SEMA3A: variants seen among roughly 807,000 people sequenced by gnomAD.
SEMA3A encodes semaphorin 3A, also known as semaphorin-3A.
SEMA3A carries 29 observed loss-of-function variants against 97.9 expected under a neutral mutation model. The observed-to-expected ratio is 0.30, with a 90% confidence interval of 0.22 to 0.40. SEMA3A has a LOEUF of 0.40. Ranked by LOEUF, SEMA3A falls within the 10% of genes least tolerant of loss-of-function variation. The pLI is 1.00. For synonymous variants in SEMA3A, 321 were observed against 323.7 expected (o/e 0.99, Z 0.09); for missense variants, 763 against 951.3 (o/e 0.80, Z 2.60).
chr7:84,046,222 C>T (rs1792342398), intron 6 of SEMA3A, 102 bp downstream of exon 6: 4 of 1,363,504 alleles, frequency 2.9e-6, no homozygotes, highest in Admixed American at 2.2e-5. Context: ...CTTAACTGCA[C>T]AATAAATTTC....
At chr7:84,340,782 G>GGA (rs373732711) in intron 2 of SEMA3A, among the ~76,000 whole-genome samples, 6 of 86,268 alleles carry the variant, frequency 7.0e-5, no homozygotes, top group South Asian at 4.1e-4. Context: ...CTCCATCTCG[G>GGA]AAAAAAAAAA....
At chr7:84,149,621 T>C (rs1412380277) in intron 1 of SEMA3A, among the ~76,000 whole-genome samples, 2 of 152,178 alleles carry the variant, frequency 1.3e-5, no homozygotes, top group African/African-American at 2.4e-5. Context: ...TGGGCAAAAA[T>C]ATAGCATAAG....
At chr7:84,161,181 C>T (rs576970705) in intron 1 of SEMA3A, among the ~76,000 whole-genome samples, 30 of 151,926 alleles carry the variant, frequency 2.0e-4, no homozygotes, top group African/African-American at 7.0e-4. Flanking sequence ...CTGGCTAACA[C>T]GGTGAAACCC....
intron 3 of SEMA3A, among the ~76,000 whole-genome samples, chr7:84,121,470 T>C (rs1795613765): frequency 6.6e-6 from 1 of 151,586 alleles, no homozygotes; most frequent in South Asian, 2.1e-4. Flanking sequence ...TGTTTGGTTT[T>C]CTGTCCTTGC....
At chr7:83,993,245 C>T (rs1344859434) in intron 12 of SEMA3A, among the ~76,000 whole-genome samples, 4 of 50,672 alleles carry the variant, frequency 7.9e-5, no homozygotes, top group Admixed American at 1.8e-4. Flanking sequence ...GAATACAGCA[C>T]ACTGATGGCT....
intron 5 of SEMA3A, among the ~76,000 whole-genome samples, chr7:84,057,902 T>G (rs1465705317): frequency 6.6e-6 from 1 of 152,182 alleles, no homozygotes; most frequent in Non-Finnish European, 1.5e-5. Context: ...ATTTGGGGAC[T>G]TCATTCAGTA....
intron 2 of SEMA3A, among the ~76,000 whole-genome samples, chr7:84,345,920 C>T (rs2116004701): frequency 6.6e-6 from 1 of 152,292 alleles, no homozygotes; most frequent in East Asian, 1.9e-4. Flanking sequence ...CAGGCATCGA[C>T]ATTTCTCCAG....
chr7:84,062,785 G>T (rs565221775), intron 4 of SEMA3A, among the ~76,000 whole-genome samples: 2 of 152,240 alleles, frequency 1.3e-5, no homozygotes, highest in South Asian at 2.1e-4. Context: ...ACGGAGTCTC[G>T]CTGATTGCTA....
chr7:84,266,587 A>G (rs1562878675), intron 3 of SEMA3A, among the ~76,000 whole-genome samples: 1 of 152,124 alleles, frequency 6.6e-6, no homozygotes, highest in South Asian at 2.1e-4. Flanking sequence ...TAAAACTGCA[A>G]TGAAATGGAA....
chr7:84,406,985 T>C (rs1288311391), intron 1 of SEMA3A, among the ~76,000 whole-genome samples: 1 of 152,162 alleles, frequency 6.6e-6, no homozygotes, highest in Non-Finnish European at 1.5e-5. Context: ...CTTGGAAAAC[T>C]GGCACAAGAC....
In SEMA3A at chr7:84,215,246, C is replaced by T. The variant is rs796194522; in HGVS notation, c.-82-20578G>A. ...TGTTGCCCAGGCTGGAGTGCAATGGCGTGATCTTAGCTCACTGCAACCTCC... is the reference window on the plus strand; with the variant it reads ...TGTTGCCCAGGCTGGAGTGCAATGGTGTGATCTTAGCTCACTGCAACCTCC... On this transcript the variant is annotated intron_variant, in intron 3 of 3. Coordinates refer to the SEMA3A transcript ENST00000424555. 2.0e-5 allele frequency among the ~76,000 whole-genome samples: 3 copies of T among 151,836 alleles called. No individual in the cohort carries two copies. In the South Asian group the frequency reaches 6.3e-4, roughly 32 times the overall value.
intron 1 of SEMA3A, among the ~76,000 whole-genome samples, chr7:84,448,203 GC>G (rs1442193890): frequency 5.3e-5 from 8 of 152,196 alleles, no homozygotes; most frequent in African/African-American, 1.9e-4. Context: ...CAAAACTCAG[GC>G]AAAGACGCCA....
intron 2 of SEMA3A, among the ~76,000 whole-genome samples, chr7:84,360,962 A>AGG (rs1802703880): frequency 6.6e-6 from 1 of 152,094 alleles, no homozygotes; most frequent in Non-Finnish European, 1.5e-5. Context: ...TTTAACTTAA[A>AGG]ATTTAAAATA....
At chr7:84,080,939 G>A (rs1027771039) in intron 4 of SEMA3A, among the ~76,000 whole-genome samples, 1 of 151,606 alleles carries the variant, frequency 6.6e-6, no homozygotes, top group Non-Finnish European at 1.5e-5. Context: ...GTTTACATGT[G>A]GGGACAATAT....
chr7:84,052,212 G>T (rs1792702103), intron 5 of SEMA3A, among the ~76,000 whole-genome samples: 1 of 152,012 alleles, frequency 6.6e-6, no homozygotes, highest in Non-Finnish European at 1.5e-5. Flanking sequence ...GTATCAGGAT[G>T]ATGCTGGCCT....
chr7:84,063,177 A>C (rs1163593231), intron 4 of SEMA3A, among the ~76,000 whole-genome samples: 1 of 151,808 alleles, frequency 6.6e-6, no homozygotes, highest in East Asian at 2.0e-4. Context: ...CTCACATGGC[A>C]GGGTATTCCA....
intron 3 of SEMA3A, among the ~76,000 whole-genome samples, chr7:84,284,592 T>C (rs973392496): frequency 6.6e-6 from 1 of 152,130 alleles, no homozygotes; most frequent in Admixed American, 6.6e-5. Context: ...AAAGAAAACT[T>C]GACCTTCAGT....
intron 1 of SEMA3A, among the ~76,000 whole-genome samples, chr7:84,189,276 A>T (rs1797971183): frequency 6.6e-6 from 1 of 151,822 alleles, no homozygotes; most frequent in Admixed American, 6.6e-5. Flanking sequence ...CTTTTTCATA[A>T]AGGTTTGACA....
At chr7:84,023,846 T>C (rs1007691027) in intron 6 of SEMA3A, among the ~76,000 whole-genome samples, 1 of 151,576 alleles carries the variant, frequency 6.6e-6, no homozygotes, top group Non-Finnish European at 1.5e-5. Context: ...CCGTCTCTAC[T>C]AAAAAATACA....
Sources: allele counts gnomAD v4.1 joint callset (sites outside exome capture counted in the v4.1 genomes callset), GRCh38; gene constraint gnomAD v4.1.1; transcripts MANE v1.5; gene names NCBI Gene and HGNC (gene_info 2026-07-23, HGNC 2026-07-21).